Variants in AK4 observed in about 807,000 individuals in gnomAD.
AK4 encodes adenylate kinase 4.
A neutral mutation model predicts 24.6 loss-of-function variants in AK4; 13 were observed. The observed-to-expected ratio is 0.53, with a 90% CI of 0.34 to 0.84. AK4 has a LOEUF of 0.84. Ranked by LOEUF, AK4 falls within the 40% of genes least tolerant of loss-of-function variation. The probability of loss-of-function intolerance (pLI) is 0.01; values close to 1 mark genes in which losing one functional copy is unlikely to be tolerated. For missense variants in AK4, 192 were observed against 288.2 expected, an observed-to-expected ratio of 0.67 and a Z score of 2.42; for synonymous variants, 88 against 107.0, an observed-to-expected ratio of 0.82 and a Z score of 1.10.
intron 2 of AK4, among the ~76,000 whole-genome samples, chr1:65,192,817 A>C (rs1651349859): frequency 6.6e-6 from 1 of 152,206 alleles, no homozygotes; most frequent in Non-Finnish European, 1.5e-5. Flanking sequence ...TAAGTCCAAA[A>C]TCCAACAGGG....
intron 2 of AK4, among the ~76,000 whole-genome samples, chr1:65,201,077 C>T (rs1225266872): frequency 6.6e-6 from 1 of 152,206 alleles, no homozygotes; most frequent in Non-Finnish European, 1.5e-5. Flanking sequence ...CAGGTGTGAG[C>T]CACCAGGCCC....
At chr1:65,206,306 C>G (rs1272971447) in intron 2 of AK4, among the ~76,000 whole-genome samples, 1 of 152,246 alleles carries the variant, frequency 6.6e-6, no homozygotes, top group Non-Finnish European at 1.5e-5. Flanking sequence ...TGTAGCTGAG[C>G]CTTTAGAAGG....
At chr1:65,151,708 A>G (rs540457124) in intron 1 of AK4, among the ~76,000 whole-genome samples, 2 of 152,362 alleles carry the variant, frequency 1.3e-5, no homozygotes, top group South Asian at 4.1e-4. Context: ...TCCAGAAGTC[A>G]AGCAACCTAT....
chr1:65,225,997 A>T, intron 4 of AK4, 66 bp from the exon 5 acceptor site: 1 of 1,511,436 alleles, frequency 6.6e-7, no homozygotes, highest in Non-Finnish European at 9.1e-7. Flanking sequence ...TATATCTAGG[A>T]TCTTCTGCAC....
intron 2 of AK4, among the ~76,000 whole-genome samples, chr1:65,191,963 G>T (rs1651321903): frequency 6.6e-6 from 1 of 152,120 alleles, no homozygotes; most frequent in African/African-American, 2.4e-5. Flanking sequence ...TAGGAGTTGT[G>T]GCTGATGTTA....
At chr1:65,202,314 A>C (rs749435640) in intron 2 of AK4, among the ~76,000 whole-genome samples, 5 of 152,120 alleles carry the variant, frequency 3.3e-5, no homozygotes, top group African/African-American at 4.8e-5. Context: ...GGAGAATAGC[A>C]CAAACCCAGG....
chr1:65,152,378 ATATATATTTTTTTTTTTTT>A (rs1557434510), intron 1 of AK4, among the ~76,000 whole-genome samples: 9 of 58,204 alleles, frequency 1.5e-4, no homozygotes, highest in African/African-American at 5.3e-4. Flanking sequence ...ATATATATAT[ATATATATTTTTTTTTTTTT>A]TTTTTTTTTT....
chr1:65,185,771 C>T (rs1387105581), intron 1 of AK4, among the ~76,000 whole-genome samples: 1 of 151,960 alleles, frequency 6.6e-6, no homozygotes, highest in Non-Finnish European at 1.5e-5. Flanking sequence ...CATGCCACCA[C>T]ACCCGGTAAA....
intron 1 of AK4, among the ~76,000 whole-genome samples, chr1:65,163,750 T>C (rs1650244882): frequency 1.3e-5 from 2 of 152,184 alleles, no homozygotes; most frequent in South Asian, 2.1e-4. Context: ...CGTTTTATTA[T>C]TACTCAAATC....
chr1:65,165,967 A>ACC (rs1167566741), intron 1 of AK4: 4 of 152,290 alleles, frequency 2.6e-5, no homozygotes, highest in Non-Finnish European at 1.5e-5. Flanking sequence ...AGCTTAACAT[A>ACC]CCTGTGAGAA....
chr1:65,215,317 G>A (rs1001406445), intron 2 of AK4, among the ~76,000 whole-genome samples: 2 of 151,874 alleles, frequency 1.3e-5, no homozygotes, highest in East Asian at 1.9e-4. Context: ...GATTACAGGC[G>A]CCTGCCACCA....
intron 4 of AK4, 85 bp downstream of exon 4, chr1:65,224,955 G>A: frequency 9.7e-7 from 1 of 1,032,682 alleles, no homozygotes; most frequent in South Asian, 1.4e-5. Context: ...CTGAGGCAGA[G>A]TAGTGTTTCT....
chr1:65,184,736 G>C (rs922752491), intron 1 of AK4, among the ~76,000 whole-genome samples: 1 of 152,198 alleles, frequency 6.6e-6, no homozygotes, highest in Admixed American at 6.5e-5. Context: ...TCCGAAATGG[G>C]CCTCAGTCTT....
In AK4 at chr1:65,168,145, C is replaced by CTTT. The variant is rs3051710; in HGVS notation, c.145+19610_145+19612dup. 5.8e-3 allele frequency among the ~76,000 whole-genome samples: 730 copies of CTTT among 125,222 alleles called. 20 individuals are homozygous for CTTT. Among genetic ancestry groups the CTTT allele is most frequent in the African/African-American group, 0.02 (653 of 32,426 alleles). The allele number at this position is 125,222 out of a possible 152,430, so 82.2% of individuals were successfully genotyped here. On this transcript the variant is annotated intron_variant, in intron 1 of 4. Transcript: ENST00000327299. The stretch of plus-strand genomic sequence containing the variant: ...GCTTTAGTAGGTTACTCTGCATATT[C>CTTT]TTTTTTTTTTTTTTTTTTTGAGACA...
At chr1:65,178,823 A>G (rs758013601) in intron 1 of AK4, among the ~76,000 whole-genome samples, 11 of 152,144 alleles carry the variant, frequency 7.2e-5, no homozygotes, top group Non-Finnish European at 1.0e-4. Context: ...GGCACAGACA[A>G]GGGGTCAAAG....
At chr1:65,178,803 C>T (rs988310421) in intron 1 of AK4, among the ~76,000 whole-genome samples, 2 of 152,182 alleles carry the variant, frequency 1.3e-5, no homozygotes, top group African/African-American at 4.8e-5. Context: ...TCGCACTTGA[C>T]TCTGTGCCTG....
intron 1 of AK4, among the ~76,000 whole-genome samples, chr1:65,164,612 C>A (rs1650267984): frequency 6.6e-6 from 1 of 152,174 alleles, no homozygotes; most frequent in African/African-American, 2.4e-5. Flanking sequence ...AAAATTGGCT[C>A]ATTTGTCTTC....
intron 2 of AK4, among the ~76,000 whole-genome samples, chr1:65,197,159 C>T (rs1183880137): frequency 2.0e-5 from 3 of 152,148 alleles, no homozygotes; most frequent in African/African-American, 7.2e-5. Context: ...ACAGCCAAAC[C>T]ACATCAGGCC....
intron 1 of AK4, among the ~76,000 whole-genome samples, chr1:65,160,940 T>C (rs909721912): frequency 6.6e-6 from 1 of 152,004 alleles, no homozygotes; most frequent in Non-Finnish European, 1.5e-5. Context: ...CTTAATACTA[T>C]CACATTGGTT....
Sources: allele counts gnomAD v4.1 joint callset (sites outside exome capture counted in the v4.1 genomes callset), GRCh38; gene constraint gnomAD v4.1.1; transcripts MANE v1.5; gene names NCBI Gene and HGNC (gene_info 2026-07-23, HGNC 2026-07-21).